Variants in PUM1 observed in about 807,000 individuals in gnomAD.
PUM1 encodes pumilio homolog 1.
A neutral mutation model predicts 131.8 loss-of-function variants in PUM1; 13 were observed. That is an observed-to-expected ratio of 0.10 (90% CI 0.06 to 0.16). PUM1 has a LOEUF of 0.16. PUM1 is among the 10% of genes least tolerant of loss of function. The pLI, the probability that PUM1 is intolerant of heterozygous loss-of-function variation, is 1.00. For missense variants in PUM1, 961 were observed against 1,512.4 expected (o/e 0.64, Z 6.05); for synonymous variants, 509 against 556.5 (o/e 0.91, Z 1.20).
At chr1:31,038,976 A>ATTTTTTTTTTTT (rs1276496237) in intron 2 of PUM1, among the ~76,000 whole-genome samples, 1 of 30,888 alleles carries the variant, frequency 3.2e-5, no homozygotes, top group African/African-American at 2.7e-4. Flanking sequence ...ATATATATAT[A>ATTTTTTTTTTTT]TATATATATT....
At chr1:31,028,528 A>G (rs188841461) in intron 3 of PUM1, among the ~76,000 whole-genome samples, 155 of 152,260 alleles carry the variant, frequency 1.0e-3, no homozygotes, top group African/African-American at 2.4e-3. Context: ...AAATGTCTCA[A>G]TTTATAGCTG....
intron 8 of PUM1, 115 bp from the exon 9 acceptor site, chr1:30,980,278 A>T: frequency 2.4e-6 from 2 of 817,272 alleles, no homozygotes. Context: ...AAATGAAAAA[A>T]GAGAAGACGG....
At chr1:31,021,676 T>C (rs560770963) in intron 3 of PUM1, among the ~76,000 whole-genome samples, 89 of 152,200 alleles carry the variant, frequency 5.8e-4, no homozygotes, top group Non-Finnish European at 1.2e-3. Context: ...GGGTATCATC[T>C]GGGGCTTTGA....
In PUM1 at chr1:30,948,806, A is replaced by C. The variant is rs568279472; in HGVS notation, c.2856+1321T>G. 5.3e-5 allele frequency among the ~76,000 whole-genome samples: 8 copies of C among 152,346 alleles called. No individual in the cohort carries two copies. The East Asian group carries it at 1.3e-3, about 26-fold the overall frequency. ...AAGAAGAACAATTCAACTATCTATG[A>C]AAATCCAAGAAAAATTAAAATTGGC... On this transcript the variant is annotated intron_variant, in intron 17 of 21. Coordinates refer to ENST00000426105, the MANE Select transcript of PUM1 (RefSeq NM_001020658.2).
At position 31,006,800 on chromosome 1, in the gene PUM1, GAAGAT is replaced by G. The variant is rs201257944; in HGVS notation, c.541+189_541+193del. ...TGTGGCTAGCACTTCAAAAAATATT[GAAGAT>G]ATGATTTTGTGTTAATTATGTTTTA... On this transcript the variant is annotated intron_variant, in intron 4 of 21. Transcript: ENST00000426105. Among the ~76,000 whole-genome samples the G allele has an allele frequency of 5.9e-5, 9 of 152,268 alleles. No individual in the cohort carries two copies. In the East Asian group the frequency reaches 1.5e-3, roughly 26 times the overall value.
intron 20 of PUM1, among the ~76,000 whole-genome samples, chr1:30,937,169 C>A (rs1008207894): frequency 6.6e-6 from 1 of 152,056 alleles, no homozygotes; most frequent in Non-Finnish European, 1.5e-5. Flanking sequence ...ACATGGGACC[C>A]GGCCCTCTAA....
At chr1:30,973,395 G>A (rs1045360226) in intron 10 of PUM1, among the ~76,000 whole-genome samples, 10 of 152,022 alleles carry the variant, frequency 6.6e-5, no homozygotes, top group African/African-American at 1.4e-4. Context: ...AATGCGTATC[G>A]AAGCCTAAGT....
At position 30,966,940 on chromosome 1, in the gene PUM1, C is replaced by T. The variant is rs528920925; in HGVS notation, c.1789+227G>A. On this transcript the variant is annotated intron_variant, in intron 12 of 21. Transcript: ENST00000426105. ...AGTGGAGCCAGACCTTCAGACCTTG[C>T]TTCTAACCAGCTGGCACATGCCACC... Among the ~76,000 whole-genome samples, 16 of 152,220 alleles carry T rather than the reference C, an allele frequency of 1.1e-4. 1 individual carries two copies. In the South Asian group the frequency reaches 3.3e-3, roughly 32 times the overall value.
intron 2 of PUM1, among the ~76,000 whole-genome samples, chr1:31,035,755 T>TAA (rs796171418): frequency 7.5e-6 from 1 of 132,764 alleles, no homozygotes; most frequent in African/African-American, 2.7e-5. Flanking sequence ...CCATCTCAAA[T>TAA]AAAAAAAAAA....
chr1:31,010,565 A>C (rs1642575761), intron 3 of PUM1, among the ~76,000 whole-genome samples: 1 of 152,082 alleles, frequency 6.6e-6, no homozygotes, highest in Non-Finnish European at 1.5e-5. Context: ...TACATATACA[A>C]AGCTGTTGCT....
chr1:31,015,736 C>T (rs1279050776), intron 3 of PUM1, among the ~76,000 whole-genome samples: 2 of 140,206 alleles, frequency 1.4e-5, no homozygotes, highest in Admixed American at 1.5e-4. Flanking sequence ...TGCAATGATG[C>T]GATCTCAGCT....
chr1:31,024,214 G>A (rs1027815459), intron 3 of PUM1, among the ~76,000 whole-genome samples: 9 of 152,124 alleles, frequency 5.9e-5, no homozygotes, highest in Non-Finnish European at 8.8e-5. Flanking sequence ...AAGTTGTGGC[G>A]TCAGAGTTCT....
At chr1:31,051,171 G>C (rs1234678622) in intron 2 of PUM1, 2 of 150,812 alleles carry the variant, frequency 1.3e-5, no homozygotes, top group Admixed American at 6.6e-5. Flanking sequence ...AAAAAAAAAA[G>C]ACTAACAGCA....
intron 11 of PUM1, among the ~76,000 whole-genome samples, chr1:30,967,724 G>A (rs747052340): frequency 1.3e-5 from 2 of 152,312 alleles, no homozygotes; most frequent in South Asian, 2.1e-4. Flanking sequence ...AAATGGCTCA[G>A]TTAAATTGGC....
intron 7 of PUM1, among the ~76,000 whole-genome samples, chr1:30,986,690 A>T (rs1641573387): frequency 6.6e-6 from 1 of 152,214 alleles, no homozygotes; most frequent in African/African-American, 2.4e-5. Context: ...ATACTTTTTG[A>T]GAAAAACTTC....
intron 2 of PUM1, among the ~76,000 whole-genome samples, chr1:31,057,209 G>A (rs1644260535): frequency 6.6e-6 from 1 of 152,056 alleles, no homozygotes; most frequent in Non-Finnish European, 1.5e-5. Flanking sequence ...TCAAAGTAGA[G>A]CCTGGCCAAC....
rs112841952 is a variant in PUM1, at chr1:30,955,827, T to G, written c.2324-1846A>C. ...AAAGTCTGGGTCTCAATCAAAGTGATGAAACCAAAAGAAAATGACTCAATG... is the reference window on the plus strand; with the variant it reads ...AAAGTCTGGGTCTCAATCAAAGTGAGGAAACCAAAAGAAAATGACTCAATG... On this transcript the variant is annotated intron_variant, in intron 14 of 21. Coordinates refer to ENST00000426105, the MANE Select transcript of PUM1 (RefSeq NM_001020658.2). Among the ~76,000 whole-genome samples, 1,244 of 152,336 alleles carry G rather than the reference T, an allele frequency of 8.2e-3. 21 individuals carry two copies. The highest frequency in any genetic ancestry group is 0.028 in the African/African-American group (1,155 of 41,556).
At chr1:30,952,510 T>C (rs1199426877) in intron 15 of PUM1, 147 bp from the exon 16 acceptor site, 5 of 1,172,358 alleles carry the variant, frequency 4.3e-6, no homozygotes, top group Non-Finnish European at 4.8e-6. Flanking sequence ...CCAAACTTTA[T>C]TTGAATGAAT....
At chr1:30,977,909 C>T (rs1009262902) in intron 9 of PUM1, among the ~76,000 whole-genome samples, 2 of 152,186 alleles carry the variant, frequency 1.3e-5, no homozygotes, top group African/African-American at 4.8e-5. Flanking sequence ...CTGGTTCAAA[C>T]CCCAACTCTA....
Sources: gnomAD v4.1 joint callset for allele counts (sites outside exome capture counted in the v4.1 genomes callset) on GRCh38, gnomAD v4.1.1 for gene constraint, MANE v1.5 for transcripts, NCBI Gene and HGNC (gene_info 2026-07-23, HGNC 2026-07-21) for gene names.